CAMTA1: variants seen among roughly 807,000 people sequenced by gnomAD.
CAMTA1 encodes the protein calmodulin binding transcription activator 1, also known as calmodulin-binding transcription activator 1.
In CAMTA1, 27 loss-of-function variants were observed where a neutral mutation model predicts 170.9. The observed-to-expected ratio is 0.16, with a 90% CI of 0.12 to 0.22. The LOEUF is 0.22. CAMTA1 is among the 10% of genes least tolerant of loss of function. CAMTA1 has a pLI of 1.00. For synonymous variants in CAMTA1, 833 were observed against 891.5 expected, an observed-to-expected ratio of 0.93 and a Z score of 1.17; for missense variants, 1,619 against 2,217.2, an observed-to-expected ratio of 0.73 and a Z score of 5.42.
chr1:7,678,363 G>C (rs75143983), intron 11 of CAMTA1, among the ~76,000 whole-genome samples: 2,833 of 152,316 alleles, frequency 0.019, 81 homozygotes, highest in African/African-American at 0.063. Context: ...CCAGGATCAC[G>C]ACTGTGGCAG....
chr1:7,183,493 A>G (rs1361930362), intron 4 of CAMTA1, among the ~76,000 whole-genome samples: 1 of 152,248 alleles, frequency 6.6e-6, no homozygotes, highest in East Asian at 1.9e-4. Context: ...CAAAAGTATG[A>G]ACATCCCCAC....
chr1:6,789,119 A>G (rs917450040), intron 1 of CAMTA1, among the ~76,000 whole-genome samples: 2 of 152,110 alleles, frequency 1.3e-5, no homozygotes, highest in African/African-American at 4.8e-5. Flanking sequence ...TCTCCATCTC[A>G]TCATTGAGTG....
intron 11 of CAMTA1, among the ~76,000 whole-genome samples, chr1:7,703,914 G>A (rs1026175312): frequency 2.6e-5 from 4 of 152,122 alleles, no homozygotes; most frequent in African/African-American, 9.7e-5. Context: ...CAGGGCTGGA[G>A]CTGGAACTTT....
intron 22 of CAMTA1, 85 bp from the exon 23 acceptor site, chr1:7,766,374 A>G: frequency 1.6e-6 from 2 of 1,260,748 alleles, no homozygotes; most frequent in Non-Finnish European, 2.3e-6. Context: ...TTCAGTTCAG[A>G]GGGAGTGGTA....
In CAMTA1 at chr1:7,682,008, C is replaced by T. The variant is rs1294714558; in HGVS notation, c.2914+4275C>T. 1.3e-5 allele frequency among the ~76,000 whole-genome samples: 2 copies of T among 152,060 alleles called. No individual in the cohort carries two copies. Among genetic ancestry groups the T allele is most frequent in the African/African-American group, 4.8e-5 (2 of 41,404 alleles). On this transcript the variant is annotated intron_variant, in intron 11 of 22. Transcript: ENST00000303635. The surrounding 1 kb of genome is among the most constrained non-coding windows in gnomAD (Gnocchi z 5.0). ...CTGTCCCCACCCCCACCTGCCGGCC[C>T]TTCTTGGAACCCCACTAAGCCGCTT... is the stretch of plus-strand genomic sequence containing the variant.
At chr1:6,922,181 C>CA in intron 3 of CAMTA1, among the ~76,000 whole-genome samples, 1 of 151,700 alleles carries the variant, frequency 6.6e-6, no homozygotes, top group Non-Finnish European at 1.5e-5. Context: ...CTTTTTTTTG[C>CA]CAAAAACTCA....
At chr1:6,868,171 T>C (rs1667249624) in intron 3 of CAMTA1, among the ~76,000 whole-genome samples, 1 of 151,916 alleles carries the variant, frequency 6.6e-6, no homozygotes, top group Non-Finnish European at 1.5e-5. Flanking sequence ...GCAGAAAGCA[T>C]TATATAATGT....
At chr1:7,128,683 G>A (rs1333708912) in intron 4 of CAMTA1, among the ~76,000 whole-genome samples, 2 of 150,750 alleles carry the variant, frequency 1.3e-5, no homozygotes, top group African/African-American at 4.9e-5. Flanking sequence ...TTAAGATGAA[G>A]TCTTGCTGTC....
intron 4 of CAMTA1, among the ~76,000 whole-genome samples, chr1:7,231,476 A>G (rs1284251554): frequency 6.6e-6 from 1 of 151,986 alleles, no homozygotes; most frequent in African/African-American, 2.4e-5. Context: ...AGGTTCAAGC[A>G]ATTCTCCTGT....
chr1:7,301,169 C>G (rs192732897), intron 5 of CAMTA1, among the ~76,000 whole-genome samples: 1 of 152,138 alleles, frequency 6.6e-6, no homozygotes, highest in Non-Finnish European at 1.5e-5. Flanking sequence ...CCTAGTCACC[C>G]GGCAGTAATT....
chr1:7,339,778 G>T (rs553408128), intron 5 of CAMTA1, among the ~76,000 whole-genome samples: 2 of 151,954 alleles, frequency 1.3e-5, no homozygotes, highest in Non-Finnish European at 2.9e-5. Context: ...TGTAATTTTA[G>T]TAGAGACAGG....
chr1:7,124,176 G>A (rs996628103), intron 4 of CAMTA1, among the ~76,000 whole-genome samples: 1 of 152,128 alleles, frequency 6.6e-6, no homozygotes, highest in African/African-American at 2.4e-5. Flanking sequence ...AGCGTCTCAG[G>A]TCTGCCCTTG....
At chr1:7,188,571 T>A (rs541931200) in intron 4 of CAMTA1, among the ~76,000 whole-genome samples, 1 of 152,316 alleles carries the variant, frequency 6.6e-6, no homozygotes, top group East Asian at 1.9e-4. Context: ...CAAGTATTTG[T>A]CCTTTTGTGG....
intron 3 of CAMTA1, among the ~76,000 whole-genome samples, chr1:6,956,469 TAAC>T (rs1312777564): frequency 1.3e-5 from 2 of 152,198 alleles, no homozygotes; most frequent in Non-Finnish European, 2.9e-5. Context: ...CATTTGCTGT[TAAC>T]AACAGTAATT....
chr1:7,535,241 A>G (rs1399190465), intron 6 of CAMTA1, among the ~76,000 whole-genome samples: 1 of 152,156 alleles, frequency 6.6e-6, no homozygotes, highest in Non-Finnish European at 1.5e-5. Flanking sequence ...TTCTGAAGTC[A>G]GGCACCCCTG....
At chr1:7,735,078 TC>T (rs565228247) in intron 12 of CAMTA1, among the ~76,000 whole-genome samples, 7 of 152,234 alleles carry the variant, frequency 4.6e-5, no homozygotes, top group Non-Finnish European at 7.3e-5. Flanking sequence ...CACTTAAATT[TC>T]AGGATCTCTA....
At chr1:7,384,051 G>A (rs1398497321) in intron 5 of CAMTA1, among the ~76,000 whole-genome samples, 2 of 152,142 alleles carry the variant, frequency 1.3e-5, no homozygotes, top group Admixed American at 6.5e-5. Context: ...GGGCTGCCAC[G>A]CCCTGCTCCA....
chr1:7,039,636 G>T (rs1284139639), intron 3 of CAMTA1, among the ~76,000 whole-genome samples: 1 of 152,204 alleles, frequency 6.6e-6, no homozygotes, highest in Non-Finnish European at 1.5e-5. Context: ...TAATTGGCAT[G>T]TGGCTAATGG....
chr1:7,736,319 C>T lies in CAMTA1; in HGVS notation c.3067-25C>T, dbSNP rs368447182. ...GGTCGAGGGCCTTTAGTCCTGAGGT[C>T]GTAACGTGCGCTTTTTTGTGACAGT... On this transcript the variant is annotated intron_variant, in intron 12 of 22. Transcript: ENST00000303635. The surrounding 1 kb of genome is among the most constrained non-coding windows in gnomAD (Gnocchi z 4.5). 1.9e-5 allele frequency: 30 copies of T among 1,607,094 alleles called. No individual in the cohort carries two copies. The highest frequency in any genetic ancestry group is 1.6e-4 in the African/African-American group (12 of 74,884).
Sources: allele counts gnomAD v4.1 joint callset (sites outside exome capture counted in the v4.1 genomes callset), GRCh38; gene constraint gnomAD v4.1.1; non-coding constraint Gnocchi (gnomAD v3.1); transcripts MANE v1.5; gene names NCBI Gene and HGNC (gene_info 2026-07-23, HGNC 2026-07-21).